FBXL7: variants seen among roughly 807,000 people sequenced by gnomAD.
The protein encoded by FBXL7 is F-box and leucine rich repeat protein 7, also known as F-box/LRR-repeat protein 7.
A neutral mutation model predicts 38.3 loss-of-function variants in FBXL7; 12 were observed. The observed-to-expected ratio is 0.31, with a 90% CI of 0.20 to 0.51. The LOEUF (loss-of-function observed/expected upper bound fraction) is 0.51. Among genes scored for constraint, FBXL7 ranks in the 20% least tolerant of loss-of-function variants. FBXL7 has a pLI of 0.98. For synonymous variants in FBXL7, 297 were observed against 300.9 expected (o/e 0.99, Z 0.13); for missense variants, 567 against 676.4 (o/e 0.84, Z 1.79).
chr5:15,889,144 A>C (rs1740801289), intron 2 of FBXL7, among the ~76,000 whole-genome samples: 1 of 152,146 alleles, frequency 6.6e-6, no homozygotes, highest in Non-Finnish European at 1.5e-5. Flanking sequence ...GGAATGGTAT[A>C]ATCCACTAGG....
At chr5:15,846,677 C>A (rs186125864) in intron 2 of FBXL7, among the ~76,000 whole-genome samples, 12 of 152,158 alleles carry the variant, frequency 7.9e-5, no homozygotes, top group Middle Eastern at 3.4e-3. Context: ...TCTGATTTTT[C>A]TTTAAAAGTG....
intron 2 of FBXL7, among the ~76,000 whole-genome samples, chr5:15,699,450 TGTGCTCC>T (rs1743454833): frequency 1.3e-5 from 2 of 152,306 alleles, no homozygotes; most frequent in South Asian, 4.1e-4. Context: ...GCTCCTTCTG[TGTGCTCC>T]ACTCCTCTTT....
intron 2 of FBXL7, among the ~76,000 whole-genome samples, chr5:15,877,095 C>G (rs1227128517): frequency 6.6e-6 from 1 of 152,170 alleles, no homozygotes; most frequent in African/African-American, 2.4e-5. Flanking sequence ...CTAGTTACTA[C>G]CAAAGACAAA....
At chr5:15,731,686 T>A (rs1735588808) in intron 2 of FBXL7, among the ~76,000 whole-genome samples, 1 of 152,216 alleles carries the variant, frequency 6.6e-6, no homozygotes, top group African/African-American at 2.4e-5. Flanking sequence ...TTTAATAATC[T>A]CTGTGATGTG....
At chr5:15,790,980 A>G (rs975728122) in intron 2 of FBXL7, among the ~76,000 whole-genome samples, 1 of 148,252 alleles carries the variant, frequency 6.7e-6, no homozygotes, top group Non-Finnish European at 1.5e-5. Context: ...GCCCTTCTGA[A>G]TGGGGTGGCC....
chr5:15,561,499 T>C (rs1245926419), intron 1 of FBXL7, among the ~76,000 whole-genome samples: 1 of 152,202 alleles, frequency 6.6e-6, no homozygotes, highest in Non-Finnish European at 1.5e-5. Flanking sequence ...ATCTTGGCTA[T>C]TGTCAATAAT....
At chr5:15,836,541 C>T (rs191676849) in intron 2 of FBXL7, among the ~76,000 whole-genome samples, 295 of 151,762 alleles carry the variant, frequency 1.9e-3, no homozygotes, top group African/African-American at 6.9e-3. Context: ...GGGAGTGAGC[C>T]GTGTAGATAT....
intron 2 of FBXL7, among the ~76,000 whole-genome samples, chr5:15,854,980 G>A (rs993983513): frequency 2.0e-5 from 3 of 152,108 alleles, no homozygotes; most frequent in African/African-American, 7.2e-5. Flanking sequence ...ACAATCCACT[G>A]TTGTAATGAT....
intron 1 of FBXL7, among the ~76,000 whole-genome samples, chr5:15,507,103 A>G (rs1736668837): frequency 1.3e-5 from 2 of 151,746 alleles, no homozygotes; most frequent in Admixed American, 1.3e-4. Flanking sequence ...GTAATATCCT[A>G]TTATTGCTTT....
chr5:15,612,290 C>A lies in FBXL7; in HGVS notation c.38-3693C>A, dbSNP rs1580405800. On this transcript the variant is annotated intron_variant, in intron 1 of 3. Coordinates refer to ENST00000504595, the MANE Select transcript of FBXL7 (RefSeq NM_012304.5). ...TGAGAAAATGATTGAGAAATACTGT[C>A]ATAGGGCATAATGACTATTTAATAA... Among the ~76,000 whole-genome samples, 3 of 152,204 alleles carry A rather than the reference C, an allele frequency of 2.0e-5. No individual in the cohort carries two copies. In the South Asian group the frequency reaches 6.2e-4, roughly 32 times the overall value.
intron 1 of FBXL7, among the ~76,000 whole-genome samples, chr5:15,504,232 A>G (rs1343264096): frequency 6.6e-6 from 1 of 152,296 alleles, no homozygotes; most frequent in East Asian, 1.9e-4. Flanking sequence ...ACTTGTTATT[A>G]TGTGTTCCTT....
At chr5:15,779,145 C>A (rs894212414) in intron 2 of FBXL7, among the ~76,000 whole-genome samples, 1 of 151,836 alleles carries the variant, frequency 6.6e-6, no homozygotes, top group African/African-American at 2.4e-5. Context: ...AAAAGTGGAT[C>A]TCATGGAGTT....
intron 2 of FBXL7, among the ~76,000 whole-genome samples, chr5:15,717,254 G>A (rs1347736748): frequency 6.6e-6 from 1 of 152,054 alleles, no homozygotes; most frequent in Non-Finnish European, 1.5e-5. Context: ...TGTTTTTCTG[G>A]GTCCCTGAGT....
intron 2 of FBXL7, among the ~76,000 whole-genome samples, chr5:15,820,701 A>T (rs1328073966): frequency 6.6e-6 from 1 of 152,144 alleles, no homozygotes; most frequent in East Asian, 1.9e-4. Context: ...CTCCGCATCA[A>T]AAAAATGACT....
Position 15,937,504 on chromosome 5 carries a change from C to T in FBXL7, c.*318C>T, listed in dbSNP as rs1742230715. ...TCTCCTCCGCTCAGGCCCCCAAGGC[C>T]GCCCTTTCCCTCGCACACAGGCCCC... On this transcript the variant is annotated 3_prime_UTR_variant, in exon 4 of 4. Coordinates refer to ENST00000504595, the MANE Select transcript of FBXL7 (RefSeq NM_012304.5). The T allele has an allele frequency of 7.8e-6, 2 of 256,058 alleles. No individual in the cohort carries two copies. Among genetic ancestry groups the T allele is most frequent in the Admixed American group, 5.0e-5 (1 of 19,922 alleles). The allele number at this position is 256,058 out of a possible 1,614,324, so 15.9% of individuals were successfully genotyped here. A position where few individuals can be genotyped will look rare whatever the true frequency, so the allele number is the denominator to read the frequency against.
chr5:15,884,551 C>A (rs926103556), intron 2 of FBXL7, among the ~76,000 whole-genome samples: 2 of 152,146 alleles, frequency 1.3e-5, no homozygotes, highest in African/African-American at 4.8e-5. Context: ...TTAAATATAG[C>A]CACACTGGGA....
At chr5:15,733,114 G>A (rs1191906661) in intron 2 of FBXL7, among the ~76,000 whole-genome samples, 3 of 91,336 alleles carry the variant, frequency 3.3e-5, no homozygotes, top group Non-Finnish European at 5.2e-5. Flanking sequence ...TTTTTTTCTT[G>A]AGACAGAGTC....
intron 1 of FBXL7, among the ~76,000 whole-genome samples, chr5:15,516,968 C>T (rs1736958420): frequency 6.6e-6 from 1 of 152,004 alleles, no homozygotes; most frequent in Non-Finnish European, 1.5e-5. Context: ...TTATTAGCAG[C>T]GTGAGAACGG....
rs528114640 is a variant in FBXL7, at chr5:15,872,935, T to C, written c.128-54955T>C. Among the ~76,000 whole-genome samples the C allele has an allele frequency of 3.3e-4, 50 of 152,316 alleles. 1 individual carries two copies. The highest frequency in any genetic ancestry group is 1.2e-3 in the African/African-American group (50 of 41,570). On this transcript the variant is annotated intron_variant, in intron 2 of 3. Transcript: ENST00000504595. ...TCAGCTCTGGACCAAGTGGACCTAA[T>C]AGACATCTAGAGAACTCTCCACCCC...
Sources: allele counts gnomAD v4.1 joint callset (sites outside exome capture counted in the v4.1 genomes callset), GRCh38; gene constraint gnomAD v4.1.1; transcripts MANE v1.5; gene names NCBI Gene and HGNC (gene_info 2026-07-23, HGNC 2026-07-21).